The following IFT88 variants were observed in gnomAD, a reference collection of about 807,000 sequenced individuals.
The protein encoded by IFT88 is intraflagellar transport protein 88 homolog.
IFT88 carries 74 observed loss-of-function variants against 119.5 expected under a neutral mutation model. That is an observed-to-expected ratio of 0.62 (90% CI 0.51 to 0.75). The LOEUF (loss-of-function observed/expected upper bound fraction) is 0.75. Ranked by LOEUF, IFT88 falls within the 30% of genes least tolerant of loss-of-function variation. The pLI is 0.00. For missense variants in IFT88, 961 were observed against 977.7 expected (o/e 0.98, Z 0.23); for synonymous variants, 279 against 316.7 (o/e 0.88, Z 1.26).
intron 4 of IFT88, among the ~76,000 whole-genome samples, chr13:20,590,320 A>G (rs2040441509): frequency 6.6e-6 from 1 of 152,164 alleles, no homozygotes; most frequent in Non-Finnish European, 1.5e-5. Context: ...CAAACTCTAT[A>G]AAAGTTATAA....
In IFT88 at chr13:20,638,465, A is replaced by G. The variant is rs763684497; in HGVS notation, c.1520A>G (p.Tyr507Cys). Residue 507 changes from tyrosine (Y) to cysteine (C), a missense_variant, in exon 17 of 26, where the codon TAT (tyrosine) becomes TGT (cysteine). By Grantham distance (194) the Tyr-to-Cys change is radical. Transcript: ENST00000351808. Reference sequence around the variant, plus strand: ...GATTATGAGAAGGCCGCTGAATTCTATAAAGAGGCTCTAAGAAATGATTCT... The same window carrying G: ...GATTATGAGAAGGCCGCTGAATTCTGTAAAGAGGCTCTAAGAAATGATTCT... ...NGDYEKAAEFYKEALRNDSSC... is the reference protein window; with the variant it reads ...NGDYEKAAEFCKEALRNDSSC... 2.0e-6 allele frequency: 3 copies of G among 1,529,582 alleles called. No individual in the cohort carries two copies. The highest frequency in any genetic ancestry group is 2.6e-6 in the Non-Finnish European group (3 of 1,146,480). The allele number at this position is 1,529,582 out of a possible 1,614,324, so 94.8% of individuals were successfully genotyped here.
intron 1 of IFT88, among the ~76,000 whole-genome samples, chr13:20,568,496 C>A (rs2035445890): frequency 6.6e-6 from 1 of 152,190 alleles, no homozygotes; most frequent in Non-Finnish European, 1.5e-5. Context: ...GAAAGGATTT[C>A]TCATTCTAAA....
chr13:20,671,109 T>A, intron 24 of IFT88, 70 bp downstream of exon 24: 1 of 1,233,836 alleles, frequency 8.1e-7, no homozygotes, highest in Non-Finnish European at 1.2e-6. Flanking sequence ...TGGAAACATC[T>A]TGCAATAATC....
intron 14 of IFT88, among the ~76,000 whole-genome samples, chr13:20,619,167 G>C (rs1470987179): frequency 6.6e-6 from 1 of 152,060 alleles, no homozygotes; most frequent in East Asian, 1.9e-4. Flanking sequence ...AATTGTTTAT[G>C]TTTGTTAAAT....
chr13:20,663,688 T>G, intron 23 of IFT88, 84 bp downstream of exon 23: 1 of 959,544 alleles, frequency 1.0e-6, no homozygotes, highest in Non-Finnish European at 1.6e-6. Context: ...TGTTAGGAGC[T>G]TCTATAAGAA....
At chr13:20,636,718 T>C (rs942136642) in intron 16 of IFT88, among the ~76,000 whole-genome samples, 3 of 152,250 alleles carry the variant, frequency 2.0e-5, no homozygotes, top group Non-Finnish European at 4.4e-5. Context: ...CTCACAGCTT[T>C]TCTCAGTTTT....
At chr13:20,658,755 G>A (rs2053294716) in intron 22 of IFT88, among the ~76,000 whole-genome samples, 1 of 152,174 alleles carries the variant, frequency 6.6e-6, no homozygotes. Flanking sequence ...ATGAAAACCA[G>A]AAATGTCTCT....
intron 1 of IFT88, among the ~76,000 whole-genome samples, chr13:20,568,462 T>A (rs968906667): frequency 2.6e-5 from 4 of 152,234 alleles, no homozygotes; most frequent in Non-Finnish European, 5.9e-5. Flanking sequence ...TCAAACCTTT[T>A]AAAAATCTGG....
chr13:20,567,564 C>T (rs562707965), intron 1 of IFT88: 2 of 189,690 alleles, frequency 1.1e-5, no homozygotes, highest in Non-Finnish European at 2.0e-5. Context: ...TGTCCCAAGT[C>T]CCAGTCACGC....
At chr13:20,667,587 T>C (rs1341225431) in intron 23 of IFT88, among the ~76,000 whole-genome samples, 1 of 137,444 alleles carries the variant, frequency 7.3e-6, no homozygotes, top group Admixed American at 8.1e-5. Context: ...TCACAGTTTT[T>C]TGTTTTTGTT....
chr13:20,589,258 T>C (rs1277121934), intron 3 of IFT88, among the ~76,000 whole-genome samples: 69 of 152,250 alleles, frequency 4.5e-4, no homozygotes, highest in Non-Finnish European at 5.9e-5. Context: ...GTGAGTGATA[T>C]TTAATAAATA....
intron 24 of IFT88, among the ~76,000 whole-genome samples, chr13:20,677,584 C>T (rs925819727): frequency 6.6e-6 from 1 of 152,088 alleles, no homozygotes; most frequent in Non-Finnish European, 1.5e-5. Flanking sequence ...TTACAGAGCA[C>T]CTAGAAGTAA....
intron 15 of IFT88, among the ~76,000 whole-genome samples, chr13:20,626,174 C>T (rs1203910673): frequency 6.7e-6 from 1 of 149,600 alleles, no homozygotes; most frequent in Non-Finnish European, 1.5e-5. Context: ...CATTCTTCTG[C>T]CTCAGCCTCC....
At chr13:20,618,464 C>T (rs372739247) in intron 14 of IFT88, among the ~76,000 whole-genome samples, 28 of 152,234 alleles carry the variant, frequency 1.8e-4, no homozygotes, top group East Asian at 1.4e-3. Flanking sequence ...TAAATAGTCC[C>T]AACACACAGG....
intron 23 of IFT88, among the ~76,000 whole-genome samples, chr13:20,669,677 G>A (rs2055457281): frequency 6.6e-6 from 1 of 152,050 alleles, no homozygotes; most frequent in Admixed American, 6.6e-5. Context: ...ACCCGCCTCG[G>A]CCTCCCAAAG....
chr13:20,624,888 A>G (rs2047069270), intron 14 of IFT88, among the ~76,000 whole-genome samples: 1 of 152,136 alleles, frequency 6.6e-6, no homozygotes, highest in Admixed American at 6.5e-5. Context: ...CATACTTGTT[A>G]TTTTTTGTAG....
At chr13:20,643,693 A>T (rs1487213939) in intron 19 of IFT88, 88 bp downstream of exon 19, 29 of 839,876 alleles carry the variant, frequency 3.5e-5, no homozygotes, top group Non-Finnish European at 5.3e-5. Flanking sequence ...ATTTTAGAAG[A>T]TCTTACCAGT....
rs900555639 is a variant in IFT88, at chr13:20,643,599, C to T, written c.1827C>T (p.Tyr609=). 6.3e-7 allele frequency: 1 copy of T among 1,594,890 alleles called. No homozygotes were observed. The highest frequency in any genetic ancestry group is 2.2e-5 in the East Asian group (1 of 44,714). The change falls in exon 19 of 26, where the codon TAC becomes TAT. Residue 609 remains tyrosine (Y), a synonymous_variant. Transcript: ENST00000351808. ...ATAAATCTCAAGCATTTCAATATTA[C>T]TATGAGGTAGGTGTGTTATCTTAAT... ...EGDKSQAFQY[Y]YESYRYFPCN... is the part of the protein sequence containing the mutation.
At chr13:20,621,891 A>G (rs1241567987) in intron 14 of IFT88, among the ~76,000 whole-genome samples, 3 of 152,142 alleles carry the variant, frequency 2.0e-5, no homozygotes, top group East Asian at 1.9e-4. Flanking sequence ...TGTTGTACCT[A>G]TTCATCCCTC....
Sources: gnomAD v4.1 joint callset for allele counts (sites outside exome capture counted in the v4.1 genomes callset) on GRCh38, gnomAD v4.1.1 for gene constraint, MANE v1.5 for transcripts, NCBI Gene and HGNC (gene_info 2026-07-23, HGNC 2026-07-21) for gene names.